The following ATRN variants were observed in gnomAD, a reference collection of about 807,000 sequenced individuals.
ATRN encodes the protein attractin-2.
Under a neutral mutation model 178.7 loss-of-function variants are expected in ATRN, and 54 were observed. That is an observed-to-expected ratio of 0.30 (90% CI 0.24 to 0.38). The LOEUF (loss-of-function observed/expected upper bound fraction) is 0.38. Among genes scored for constraint, ATRN ranks in the 10% least tolerant of loss-of-function variants. ATRN has a pLI of 1.00. For missense variants in ATRN, 1,443 were observed against 1,815.1 expected (o/e 0.79, Z 3.73); for synonymous variants, 636 against 663.0 (o/e 0.96, Z 0.63).
chr20:3,492,191 G>GTGTGTC (rs1304381092), intron 1 of ATRN, among the ~76,000 whole-genome samples: 1 of 151,554 alleles, frequency 6.6e-6, no homozygotes, highest in African/African-American at 2.4e-5. Flanking sequence ...GTGTGTGTGT[G>GTGTGTC]TGTGTGTGTG....
Position 3,632,111 on chromosome 20 carries a change from C to T in ATRN, c.3864-2200C>T, listed in dbSNP as rs1369473771. ...TCCAGGTTAGAATATCTGCCCAGGA[C>T]ATCTCCCCTGGGCTGTCCGGTAGAT... is the stretch of plus-strand genomic sequence containing the variant. On this transcript the variant is annotated intron_variant, in intron 25 of 28. Coordinates refer to ENST00000262919, the MANE Select transcript of ATRN (RefSeq NM_139321.3). This position sits in a 1 kb window ranked among gnomAD's most constrained non-coding sequence, Gnocchi z 4.2. Among the ~76,000 whole-genome samples, 1 of 152,132 alleles carries T rather than the reference C, an allele frequency of 6.6e-6. No individual in the cohort carries two copies. The highest frequency in any genetic ancestry group is 1.9e-4 in the East Asian group (1 of 5,194).
At chr20:3,491,781 T>C (rs1370674418) in intron 1 of ATRN, among the ~76,000 whole-genome samples, 4 of 151,276 alleles carry the variant, frequency 2.6e-5, no homozygotes, top group African/African-American at 4.8e-5. Context: ...CCAAAACTTA[T>C]CTAAGTATCT....
chr20:3,513,431 T>G (rs1410779576), intron 1 of ATRN, among the ~76,000 whole-genome samples: 1 of 152,248 alleles, frequency 6.6e-6, no homozygotes, highest in Non-Finnish European at 1.5e-5. Context: ...ATGTGTGGTA[T>G]TATTTCTGAA....
chr20:3,504,392 G>A (rs1031452054), intron 1 of ATRN, among the ~76,000 whole-genome samples: 12 of 151,522 alleles, frequency 7.9e-5, no homozygotes, highest in African/African-American at 2.4e-4. Flanking sequence ...ATAGACTGTC[G>A]CAGGCCGGGT....
At position 3,584,081 on chromosome 20, in the gene ATRN, C is replaced by G. The variant is rs538689193; in HGVS notation, c.2948C>G (p.Pro983Arg). 2 of 1,612,834 alleles carry G rather than the reference C, an allele frequency of 1.2e-6. No homozygotes were observed. The highest frequency in any genetic ancestry group is 1.7e-6 in the Non-Finnish European group (2 of 1,179,314). The part of the protein sequence containing the change: ...CMEWYTMSTC[P>R]PENCSGYCTC... ...GAATGGTATACGATGAGCACCTGCC[C>G]CCGTAAGTGAAAAAGGGAGCCCTAG... Residue 983 changes from proline to arginine, a missense_variant and splice_region_variant, in exon 17 of 29, where the codon CCC becomes CGC. By Grantham distance (103) the Pro-to-Arg change is moderately radical. Coordinates refer to ENST00000262919, the MANE Select transcript of ATRN (RefSeq NM_139321.3).
intron 1 of ATRN, chr20:3,490,012 G>T: frequency 1.0e-6 from 1 of 992,790 alleles, no homozygotes; most frequent in Non-Finnish European, 1.6e-6. Context: ...GTGAGATGTT[G>T]CTGTTCCCTG....
chr20:3,501,621 G>C (rs761269781), intron 1 of ATRN, among the ~76,000 whole-genome samples: 14 of 152,166 alleles, frequency 9.2e-5, no homozygotes, highest in Non-Finnish European at 1.9e-4. Flanking sequence ...TTAAAAATCT[G>C]CTTGAAGGCT....
chr20:3,572,938 T>G lies in ATRN; in HGVS notation c.2079T>G (p.Cys693Trp), dbSNP rs571210989. Residue 693 changes from cysteine to tryptophan, a missense_variant, in exon 12 of 29, where the codon TGT becomes TGG. By Grantham distance (215) the Cys-to-Trp change is radical. This residue lies in a region of ATRN where 862 missense variants were observed against 972.1 expected (regional missense o/e 0.89). Coordinates refer to ENST00000262919, the MANE Select transcript of ATRN (RefSeq NM_139321.3). ...DEQEEKLKSECFSKRTLDHDR... is the reference protein window; with the variant it reads ...DEQEEKLKSEWFSKRTLDHDR... ...AAGAAGAAAAGTTAAAATCAGAATG[T>G]TTTTCCAAAAGAAGTATGTTTTTTT... 1 of 1,613,524 alleles carries G rather than the reference T, an allele frequency of 6.2e-7. No individual in the cohort carries two copies. The highest frequency in any genetic ancestry group is 2.2e-5 in the East Asian group (1 of 44,878).
At position 3,519,006 on chromosome 20, in the gene ATRN, T is replaced by TATAAAA. The variant is rs770584938; in HGVS notation, c.411-16246_411-16245insTAAAAA. 2.0e-4 allele frequency among the ~76,000 whole-genome samples: 24 copies of TATAAAA among 119,496 alleles called. 1 individual carries two copies. Among genetic ancestry groups the TATAAAA allele is most frequent in the African/African-American group, 2.7e-4 (8 of 29,760 alleles). 78.4% of individuals were successfully genotyped at this position (119,496 alleles called of 152,430 possible). A position where few individuals can be genotyped will look rare whatever the true frequency, so the allele number is the denominator to read the frequency against. The stretch of plus-strand genomic sequence containing the variant: ...GTGCTTCAATAAACATCCTTATATA[T>TATAAAA]AAAAAAAAAAAAAAGAAAGAAAACT... On this transcript the variant is annotated intron_variant, in intron 1 of 28. Transcript: ENST00000262919.
intron 6 of ATRN, among the ~76,000 whole-genome samples, chr20:3,555,126 C>T (rs541653147): frequency 9.3e-5 from 14 of 151,142 alleles, no homozygotes; most frequent in Non-Finnish European, 1.6e-4. Context: ...CTCAGCCTCC[C>T]GAGTAGCTGG....
At chr20:3,569,223 C>T (rs1026562789) in intron 11 of ATRN, among the ~76,000 whole-genome samples, 5 of 152,286 alleles carry the variant, frequency 3.3e-5, no homozygotes, top group African/African-American at 1.2e-4. Context: ...AGAAGTGCAT[C>T]CTTAGGCAAT....
At chr20:3,498,305 A>G (rs969133076) in intron 1 of ATRN, among the ~76,000 whole-genome samples, 4 of 152,234 alleles carry the variant, frequency 2.6e-5, no homozygotes, top group African/African-American at 9.6e-5. Context: ...CAATAGAAAA[A>G]GAGGGAATCC....
At chr20:3,510,887 A>G (rs2085117437) in intron 1 of ATRN, among the ~76,000 whole-genome samples, 1 of 152,188 alleles carries the variant, frequency 6.6e-6, no homozygotes, top group South Asian at 2.1e-4. Flanking sequence ...ATCCACTGCT[A>G]ATGGGAAAAG....
chr20:3,625,670 C>A (rs920237848), intron 25 of ATRN, among the ~76,000 whole-genome samples: 3 of 152,122 alleles, frequency 2.0e-5, no homozygotes, highest in Admixed American at 1.3e-4. Flanking sequence ...GAATTTCTCT[C>A]GGAGTTGCCC....
chr20:3,604,305 A>T, intron 24 of ATRN, 43 bp downstream of exon 24: 1 of 1,539,556 alleles, frequency 6.5e-7, no homozygotes, highest in Non-Finnish European at 8.7e-7. Context: ...AGGTGGTGAA[A>T]TCTCTTTAGT....
intron 1 of ATRN, among the ~76,000 whole-genome samples, chr20:3,504,774 A>G (rs1437136919): frequency 6.6e-6 from 1 of 150,804 alleles, no homozygotes; most frequent in Non-Finnish European, 1.5e-5. Flanking sequence ...CATCAGTCCT[A>G]TTTGATGATA....
At position 3,520,450 on chromosome 20, in the gene ATRN, A is replaced by G. The variant is rs569160598; in HGVS notation, c.411-14803A>G. Among the ~76,000 whole-genome samples the G allele has an allele frequency of 2.0e-4, 31 of 152,358 alleles. No homozygotes were observed. In the East Asian group the frequency reaches 3.9e-3, roughly 19 times the overall value. ...AACCATTGATAAGATGGAAAAGTTC[A>G]GTAGTATTTCCAGGTAAAGGGGGAA... On this transcript the variant is annotated intron_variant, in intron 1 of 28. Transcript: ENST00000262919.
intron 3 of ATRN, among the ~76,000 whole-genome samples, chr20:3,543,901 GTGTGTGCC>G (rs1270708272): frequency 2.6e-5 from 4 of 152,090 alleles, no homozygotes; most frequent in Non-Finnish European, 4.4e-5. Flanking sequence ...AGCCATGGTG[GTGTGTGCC>G]TGTAGTCCCA....
At chr20:3,506,798 A>G (rs1161046944) in intron 1 of ATRN, among the ~76,000 whole-genome samples, 1 of 152,128 alleles carries the variant, frequency 6.6e-6, no homozygotes, top group African/African-American at 2.4e-5. Flanking sequence ...ATGATCAGAA[A>G]TAGACTTTAA....
Sources: allele counts gnomAD v4.1 joint callset (sites outside exome capture counted in the v4.1 genomes callset), GRCh38; gene constraint gnomAD v4.1.1; regional missense constraint gnomAD v4.1.1; non-coding constraint Gnocchi (gnomAD v3.1); transcripts MANE v1.5; gene names NCBI Gene and HGNC (gene_info 2026-07-23, HGNC 2026-07-21).